Variants in EXOC4 observed in about 807,000 individuals in gnomAD.
EXOC4 encodes exocyst complex component 4.
EXOC4 carries 71 observed loss-of-function variants against 107.2 expected under a neutral mutation model. That is an observed-to-expected ratio of 0.66 (90% CI 0.55 to 0.81). The LOEUF is 0.81. Ranked by LOEUF, EXOC4 falls within the 30% of genes least tolerant of loss-of-function variation. EXOC4 has a pLI of 0.00. For missense variants in EXOC4, 1,108 were observed against 1,189.6 expected (o/e 0.93, Z 1.01); for synonymous variants, 456 against 441.2 (o/e 1.03, Z -0.42).
chr7:133,807,068 C>G (rs1158575648), intron 10 of EXOC4, among the ~76,000 whole-genome samples: 1 of 152,130 alleles, frequency 6.6e-6, no homozygotes, highest in African/African-American at 2.4e-5. Flanking sequence ...CATGTGAAAT[C>G]GGAAGATATG....
chr7:133,789,509 G>A (rs560211836), intron 10 of EXOC4, among the ~76,000 whole-genome samples: 6 of 152,312 alleles, frequency 3.9e-5, no homozygotes, highest in African/African-American at 1.4e-4. Flanking sequence ...TTTGATGGTA[G>A]AATAAAAGCA....
intron 1 of EXOC4, among the ~76,000 whole-genome samples, chr7:133,264,013 C>CGGTG (rs1793651719): frequency 6.6e-6 from 1 of 151,958 alleles, no homozygotes; most frequent in African/African-American, 2.4e-5. Flanking sequence ...AGGAACTCAC[C>CGGTG]AGAAAAGAAG....
intron 17 of EXOC4, among the ~76,000 whole-genome samples, chr7:134,031,299 G>A (rs1442741378): frequency 6.6e-6 from 1 of 152,138 alleles, no homozygotes. Flanking sequence ...GCTGTTTTTT[G>A]AAGAAGAAAA....
intron 7 of EXOC4, among the ~76,000 whole-genome samples, chr7:133,416,484 A>G (rs1228742138): frequency 2.0e-5 from 3 of 152,236 alleles, no homozygotes; most frequent in Non-Finnish European, 2.9e-5. Flanking sequence ...AATGGTTTCT[A>G]TAATAGCACT....
chr7:133,683,802 GA>G (rs1322954290), intron 10 of EXOC4, among the ~76,000 whole-genome samples: 1 of 151,912 alleles, frequency 6.6e-6, no homozygotes, highest in Non-Finnish European at 1.5e-5. Flanking sequence ...TTAACATGGG[GA>G]AAAACAAGAT....
chr7:133,982,335 G>A (rs1301421559), intron 14 of EXOC4, among the ~76,000 whole-genome samples: 3 of 152,280 alleles, frequency 2.0e-5, no homozygotes, highest in Admixed American at 6.5e-5. Context: ...GGCAGATCAC[G>A]AGGTCAGGAG....
intron 7 of EXOC4, among the ~76,000 whole-genome samples, chr7:133,398,845 T>C (rs1346917298): frequency 6.6e-6 from 1 of 152,224 alleles, no homozygotes; most frequent in Non-Finnish European, 1.5e-5. Context: ...CAAAGGATGC[T>C]CTCTGGCTTA....
intron 10 of EXOC4, among the ~76,000 whole-genome samples, chr7:133,688,289 A>G (rs571103179): frequency 6.6e-6 from 1 of 152,320 alleles, no homozygotes; most frequent in East Asian, 1.9e-4. Flanking sequence ...CATTATGTTC[A>G]TATCTACCTG....
At chr7:133,803,490 C>G (rs924239350) in intron 10 of EXOC4, among the ~76,000 whole-genome samples, 1 of 152,164 alleles carries the variant, frequency 6.6e-6, no homozygotes, top group Middle Eastern at 3.4e-3. Flanking sequence ...GTTTTATCTT[C>G]TGTGAGTTTT....
intron 9 of EXOC4, among the ~76,000 whole-genome samples, chr7:133,574,512 A>G (rs959075413): frequency 1.3e-5 from 2 of 152,214 alleles, no homozygotes; most frequent in African/African-American, 4.8e-5. Context: ...AAATTGTTAT[A>G]TTTCTCTAAA....
chr7:133,648,250 C>T (rs886669519), intron 10 of EXOC4, among the ~76,000 whole-genome samples: 1 of 152,110 alleles, frequency 6.6e-6, no homozygotes, highest in Non-Finnish European at 1.5e-5. Context: ...CATTGTGATT[C>T]CCCTGTTAGC....
Position 134,017,986 on chromosome 7 carries a change from GTAT to G in EXOC4, c.2687+10161_2687+10163del, listed in dbSNP as rs1455599153. On this transcript the variant is annotated intron_variant, in intron 17 of 17. Coordinates refer to ENST00000253861, the MANE Select transcript of EXOC4 (RefSeq NM_021807.4). Reference sequence around the variant, plus strand: ...ATTCAGAGATTAGCATAGATAGCGAGTATTATTATTATCCAGTAAAGATCCCAA... The same window carrying G: ...ATTCAGAGATTAGCATAGATAGCGAGTATTATTATCCAGTAAAGATCCCAA... 2.6e-5 allele frequency among the ~76,000 whole-genome samples: 4 copies of G among 152,200 alleles called. 1 individual carries two copies. The highest frequency in any genetic ancestry group is 1.3e-4 in the Admixed American group (2 of 15,276).
intron 7 of EXOC4, among the ~76,000 whole-genome samples, chr7:133,451,025 T>C (rs1276754875): frequency 6.6e-6 from 1 of 152,196 alleles, no homozygotes; most frequent in African/African-American, 2.4e-5. Context: ...GTTTGGAGAA[T>C]ACAGACAGTG....
intron 10 of EXOC4, among the ~76,000 whole-genome samples, chr7:133,766,862 C>A (rs1378258761): frequency 6.6e-6 from 1 of 151,918 alleles, no homozygotes; most frequent in Non-Finnish European, 1.5e-5. Flanking sequence ...GGGTTGCAAA[C>A]CTATTCGAGT....
intron 9 of EXOC4, among the ~76,000 whole-genome samples, chr7:133,490,130 A>G (rs1799345058): frequency 6.6e-6 from 1 of 152,114 alleles, no homozygotes; most frequent in Non-Finnish European, 1.5e-5. Flanking sequence ...AGCTACAACA[A>G]CAAGACAGAG....
At chr7:133,299,749 T>C (rs1794602004) in intron 3 of EXOC4, among the ~76,000 whole-genome samples, 1 of 152,198 alleles carries the variant, frequency 6.6e-6, no homozygotes, top group South Asian at 2.1e-4. Flanking sequence ...CATTCACTTA[T>C]CAATAACTTC....
At chr7:133,588,955 T>TGC (rs1312188105) in intron 9 of EXOC4, among the ~76,000 whole-genome samples, 1 of 148,600 alleles carries the variant, frequency 6.7e-6, no homozygotes, top group African/African-American at 2.5e-5. Flanking sequence ...TATGTGTGTG[T>TGC]GCACATATGT....
chr7:133,666,288 A>G (rs893332418), intron 10 of EXOC4, among the ~76,000 whole-genome samples: 2 of 152,184 alleles, frequency 1.3e-5, no homozygotes, highest in Admixed American at 1.3e-4. Context: ...ATGTTACAGG[A>G]AGTAGTGACC....
chr7:133,857,857 G>A (rs1798450953), intron 11 of EXOC4, among the ~76,000 whole-genome samples: 2 of 152,082 alleles, frequency 1.3e-5, no homozygotes, highest in South Asian at 4.1e-4. Context: ...CCCACAGCTC[G>A]GCGGATCGGG....
Sources: allele counts gnomAD v4.1 joint callset (sites outside exome capture counted in the v4.1 genomes callset), GRCh38; gene constraint gnomAD v4.1.1; transcripts MANE v1.5; gene names NCBI Gene and HGNC (gene_info 2026-07-23, HGNC 2026-07-21).